NCALD: variants seen among roughly 807,000 people sequenced by gnomAD.
The protein encoded by NCALD is neurocalcin-delta.
Under a neutral mutation model 18.6 loss-of-function variants are expected in NCALD, and 10 were observed. That is an observed-to-expected ratio of 0.54 (90% CI 0.33 to 0.91). The LOEUF is 0.91. NCALD is among the 40% of genes least tolerant of loss of function. The pLI is 0.03. For missense variants in NCALD, 184 were observed against 247.6 expected (o/e 0.74, Z 1.72); for synonymous variants, 88 against 87.4 (o/e 1.01, Z -0.04).
intron 1 of NCALD, among the ~76,000 whole-genome samples, chr8:102,110,260 A>G (rs1284550807): frequency 6.6e-6 from 1 of 152,256 alleles, no homozygotes; most frequent in East Asian, 1.9e-4. Flanking sequence ...TATGAAAAAC[A>G]TCAAATGGTA....
intron 2 of NCALD, among the ~76,000 whole-genome samples, chr8:101,702,457 T>C (rs1040463972): frequency 2.6e-5 from 4 of 152,130 alleles, no homozygotes; most frequent in Non-Finnish European, 5.9e-5. Flanking sequence ...CTGAAACTCC[T>C]GGGCTCAAGA....
intron 3 of NCALD, among the ~76,000 whole-genome samples, chr8:101,690,063 T>C (rs1214674344): frequency 1.3e-5 from 2 of 152,188 alleles, no homozygotes; most frequent in East Asian, 3.9e-4. Flanking sequence ...GGTGCTCTCC[T>C]GCTACCCTGA....
chr8:101,912,849 C>T (rs1817848546), intron 3 of NCALD, among the ~76,000 whole-genome samples: 1 of 152,220 alleles, frequency 6.6e-6, no homozygotes, highest in Admixed American at 6.5e-5. Flanking sequence ...GAATATTTCA[C>T]TACCTTGATG....
chr8:102,036,287 C>T (rs1208436332), intron 1 of NCALD, among the ~76,000 whole-genome samples: 2 of 151,310 alleles, frequency 1.3e-5, no homozygotes, highest in African/African-American at 4.9e-5. Flanking sequence ...CACTGCACTC[C>T]AGACTGGGTG....
intron 1 of NCALD, among the ~76,000 whole-genome samples, chr8:102,024,710 C>T (rs1327525433): frequency 6.6e-6 from 1 of 152,194 alleles, no homozygotes; most frequent in Non-Finnish European, 1.5e-5. Flanking sequence ...AAGCCTTCGT[C>T]CTCTACCTAT....
chr8:101,842,809 G>C (rs1814698314), intron 4 of NCALD, among the ~76,000 whole-genome samples: 1 of 152,212 alleles, frequency 6.6e-6, no homozygotes, highest in Non-Finnish European at 1.5e-5. Flanking sequence ...TCTGGTAACA[G>C]GCAGCAGCAA....
chr8:102,003,448 G>A (rs1821560716), intron 2 of NCALD, among the ~76,000 whole-genome samples: 1 of 152,130 alleles, frequency 6.6e-6, no homozygotes, highest in Admixed American at 6.5e-5. Flanking sequence ...TTCTACCAGA[G>A]GTACAAGGAG....
chr8:101,721,543 C>G (rs1270971465), intron 1 of NCALD, among the ~76,000 whole-genome samples: 1 of 152,194 alleles, frequency 6.6e-6, no homozygotes, highest in East Asian at 1.9e-4. Context: ...GTGGTTAAGA[C>G]TTGAGCTTAG....
rs1292968293 is a variant in NCALD at position 101,861,030 on chromosome 8, T to C, written c.-20+26111A>G. 4.6e-5 allele frequency among the ~76,000 whole-genome samples: 7 copies of C among 152,240 alleles called. No homozygotes were observed. In the East Asian group the frequency reaches 1.2e-3, roughly 25 times the overall value. On this transcript the variant is annotated intron_variant, in intron 4 of 6. Transcript: ENST00000311028. ...CCAAGGTAATATATTTAAAAACTCA[T>C]CACTCCTCTAGAATTGGAAAAGCAA...
intron 4 of NCALD, among the ~76,000 whole-genome samples, chr8:101,844,754 T>A (rs1814795499): frequency 6.6e-6 from 1 of 152,196 alleles, no homozygotes; most frequent in African/African-American, 2.4e-5. Context: ...ATTCAGCTAG[T>A]GGCCAGAGAG....
intron 1 of NCALD, among the ~76,000 whole-genome samples, chr8:102,081,580 C>CCCCCA (rs765058767): frequency 7.3e-4 from 90 of 123,568 alleles, no homozygotes; most frequent in African/African-American, 2.5e-3. Flanking sequence ...AAAAAAACCC[C>CCCCCA]AAAAAAAACT....
At chr8:101,844,289 A>G (rs1148497) in intron 4 of NCALD, among the ~76,000 whole-genome samples, 45,013 of 152,028 alleles carry the variant, frequency 0.3, 7,877 homozygotes, top group African/African-American at 0.48. Context: ...TCAGACACCA[A>G]TGAAAGAGGT....
chr8:101,779,641 C>G (rs78054078), intron 1 of NCALD, among the ~76,000 whole-genome samples: 3 of 152,084 alleles, frequency 2.0e-5, no homozygotes, highest in Non-Finnish European at 4.4e-5. Context: ...ATATTCCTTA[C>G]GGATTGCCCT....
At chr8:102,054,982 G>A (rs1221914001) in intron 1 of NCALD, among the ~76,000 whole-genome samples, 1 of 152,020 alleles carries the variant, frequency 6.6e-6, no homozygotes, top group Non-Finnish European at 1.5e-5. Flanking sequence ...ATGAGATGTG[G>A]ACAGAGGGCA....
chr8:102,031,675 T>G (rs1316609873), intron 1 of NCALD, among the ~76,000 whole-genome samples: 1 of 152,182 alleles, frequency 6.6e-6, no homozygotes, highest in Non-Finnish European at 1.5e-5. Context: ...TTCAGAAGTA[T>G]AACAGGTAAA....
chr8:101,904,504 G>A (rs570259069), intron 3 of NCALD, among the ~76,000 whole-genome samples: 2 of 152,094 alleles, frequency 1.3e-5, no homozygotes, highest in Admixed American at 1.3e-4. Context: ...CTCCCCTCCA[G>A]CATCATCCAC....
intron 2 of NCALD, among the ~76,000 whole-genome samples, chr8:101,981,116 G>A (rs1820604152): frequency 1.3e-5 from 2 of 152,176 alleles, no homozygotes; most frequent in Admixed American, 1.3e-4. Context: ...TCTGCAATCA[G>A]ATTAGCTCCT....
intron 2 of NCALD, among the ~76,000 whole-genome samples, chr8:101,933,461 CA>C (rs1161648438): frequency 6.6e-6 from 1 of 152,176 alleles, no homozygotes; most frequent in Non-Finnish European, 1.5e-5. Context: ...CCAGCCCTGC[CA>C]CCTTCATTTT....
chr8:102,025,290 A>G (rs1822415668), intron 1 of NCALD, among the ~76,000 whole-genome samples: 1 of 152,146 alleles, frequency 6.6e-6, no homozygotes, highest in Non-Finnish European at 1.5e-5. Flanking sequence ...CCCACCCCAG[A>G]AGGAAATTTG....
Sources: gnomAD v4.1 joint callset for allele counts (sites outside exome capture counted in the v4.1 genomes callset) on GRCh38, gnomAD v4.1.1 for gene constraint, MANE v1.5 for transcripts, NCBI Gene and HGNC (gene_info 2026-07-23, HGNC 2026-07-21) for gene names.